The following ENOSF1 variants were observed in gnomAD, a reference collection of about 807,000 sequenced individuals.
ENOSF1 encodes enolase superfamily member 1.
Under a neutral mutation model 68.2 loss-of-function variants are expected in ENOSF1, and 73 were observed. The observed-to-expected ratio is 1.07, with a 90% CI of 0.89 to 1.30. The LOEUF (loss-of-function observed/expected upper bound fraction) is 1.30. Among genes scored for constraint, ENOSF1 ranks in the 50% most tolerant of loss-of-function variants. ENOSF1 has a pLI of 0.00. For synonymous variants in ENOSF1, 223 were observed against 210.4 expected, an observed-to-expected ratio of 1.06 and a Z score of -0.52; for missense variants, 589 against 554.5, an observed-to-expected ratio of 1.06 and a Z score of -0.62.
Position 671,268 on chromosome 18 carries a change from A to C in ENOSF1, c.*3037T>G. 1.3e-6 allele frequency: 1 copy of C among 797,452 alleles called. No homozygotes were observed. The highest frequency in any genetic ancestry group is 2.2e-6 in the Non-Finnish European group (1 of 460,694). The allele number at this position is 797,452 out of a possible 1,614,324, so 49.4% of individuals were successfully genotyped here. On this transcript the variant is annotated 3_prime_UTR_variant, in exon 16 of 16. Coordinates refer to ENST00000647584, the MANE Select transcript of ENOSF1 (RefSeq NM_017512.7). ...ACAAAAAAATGGAAAAGCTACACTAAATTATTTTTTTAAAAAAAGCCTTGC... is the reference window on the plus strand; with the variant it reads ...ACAAAAAAATGGAAAAGCTACACTACATTATTTTTTTAAAAAAAGCCTTGC...
At chr18:664,572 G>A in the ENOSF1 span, among the ~76,000 whole-genome samples, 1 of 134,082 alleles carries the variant, frequency 7.5e-6, no homozygotes, top group Admixed American at 7.3e-5. Context: ...GGAGTGGTGA[G>A]AGAGGGCATC....
chr18:692,851 T>C (rs1456332001), intron 5 of ENOSF1: 4 of 1,083,478 alleles, frequency 3.7e-6, no homozygotes, highest in African/African-American at 3.3e-5. Flanking sequence ...TCAGAGACGA[T>C]GTGACAGCCT....
At chr18:690,749 C>A (rs752597657) in intron 7 of ENOSF1, 118 bp from the exon 8 acceptor site, 1 of 1,504,138 alleles carries the variant, frequency 6.6e-7, no homozygotes, top group Non-Finnish European at 8.9e-7. Context: ...TCCGGCCCTG[C>A]ACACACACAC....
At chr18:674,554 C>G in intron 15 of ENOSF1, 148 bp from the exon 16 acceptor site, 1 of 530,838 alleles carries the variant, frequency 1.9e-6, no homozygotes, top group Non-Finnish European at 3.3e-6. Flanking sequence ...AGTCACTGTC[C>G]GTTGCCCAGG....
intron 1 of ENOSF1, chr18:712,277 G>C: frequency 6.5e-7 from 1 of 1,530,182 alleles, no homozygotes; most frequent in Non-Finnish European, 8.7e-7. Flanking sequence ...AGAAGCAATG[G>C]GTTCGAAGTC....
chr18:669,366 A>ATTTT (rs68090938), downstream of ENOSF1: 11,495 of 191,668 alleles, frequency 0.06, 623 homozygotes, highest in African/African-American at 0.088. Context: ...GGCCCAGAGG[A>ATTTT]TTTTTTTTTT....
At chr18:663,210 A>G in the ENOSF1 span, among the ~76,000 whole-genome samples, 2 of 95,296 alleles carry the variant, frequency 2.1e-5, no homozygotes, top group Non-Finnish European at 3.9e-5. Flanking sequence ...TTGCCATTCT[A>G]ACTGGTGTGA....
At chr18:696,634 G>A (rs2145198121) in intron 3 of ENOSF1, among the ~76,000 whole-genome samples, 1 of 152,254 alleles carries the variant, frequency 6.6e-6, no homozygotes, top group South Asian at 2.1e-4. Context: ...CCTTAGAGAA[G>A]AGATAGCTCT....
chr18:664,913 G>T, the ENOSF1 span, among the ~76,000 whole-genome samples: 1 of 142,356 alleles, frequency 7.0e-6, no homozygotes. Context: ...TGCTGGATTC[G>T]GTTTGCCAGT....
At chr18:703,505 A>AC (rs2078598067) in intron 2 of ENOSF1, among the ~76,000 whole-genome samples, 1 of 152,226 alleles carries the variant, frequency 6.6e-6, no homozygotes. Context: ...AGGGACAATT[A>AC]GAGTTGCAGA....
rs10610259 is a variant in ENOSF1 at position 673,710 on chromosome 18, G to GT, written c.*594dup. The GT allele has an allele frequency of 0.013, 1,762 of 138,746 alleles. 18 individuals are homozygous for GT. The highest frequency in any genetic ancestry group is 0.026 in the African/African-American group (975 of 38,144). The allele number at this position is 138,746 out of a possible 1,614,324, so 8.6% of individuals were successfully genotyped here. ...AAATATAATGACCATTTAGGATAGA[G>GT]TTTTTTTTTTTTTTTTTTAAACTTT... On this transcript the variant is annotated 3_prime_UTR_variant, in exon 16 of 16. Coordinates refer to ENST00000647584, the MANE Select transcript of ENOSF1 (RefSeq NM_017512.7).
intron 10 of ENOSF1, among the ~76,000 whole-genome samples, chr18:685,018 C>T (rs962869538): frequency 1.8e-5 from 1 of 56,602 alleles, no homozygotes; most frequent in Non-Finnish European, 3.3e-5. Context: ...CACCACCACA[C>T]CTGGTTAATT....
chr18:699,789 G>T (rs2078125598), intron 2 of ENOSF1, among the ~76,000 whole-genome samples: 1 of 152,162 alleles, frequency 6.6e-6, no homozygotes, highest in African/African-American at 2.4e-5. Context: ...GTTTGAAAGT[G>T]GTGCCCCAGG....
At position 674,418 on chromosome 18, in the gene ENOSF1, C is replaced by CA. The variant is rs1568004379; in HGVS notation, c.1231-13dup. 5 of 1,564,738 alleles carry CA rather than the reference C, an allele frequency of 3.2e-6. No homozygotes were observed. The highest frequency in any genetic ancestry group is 1.8e-5 in the Admixed American group (1 of 54,944). On this transcript the variant is annotated splice_polypyrimidine_tract_variant and intron_variant, in intron 15 of 15. Coordinates refer to ENST00000647584, the MANE Select transcript of ENOSF1 (RefSeq NM_017512.7). ...GAGTAGCCGGGATCCTATCAAAGAC[C>CA]AAAAAAATGAGTCCTGTTAACAACC...
At chr18:682,541 A>C (rs563454462) in intron 11 of ENOSF1, among the ~76,000 whole-genome samples, 114 of 152,196 alleles carry the variant, frequency 7.5e-4, no homozygotes, top group African/African-American at 2.7e-3. Flanking sequence ...GACTGTGCCA[A>C]ACCAGTTAGC....
intron 9 of ENOSF1, chr18:687,183 T>C (rs1377386522): frequency 6.6e-6 from 1 of 152,186 alleles, no homozygotes; most frequent in Non-Finnish European, 1.5e-5. Context: ...GGTTGAGTAA[T>C]TGATCACACA....
At chr18:676,048 C>T (rs1200885615) in intron 14 of ENOSF1, among the ~76,000 whole-genome samples, 8 of 152,124 alleles carry the variant, frequency 5.3e-5, no homozygotes, top group Non-Finnish European at 1.5e-5. Context: ...TTCCATACTC[C>T]CCACCCAAAA....
intron 5 of ENOSF1, 59 bp from the exon 6 acceptor site, chr18:691,335 G>A: frequency 7.0e-7 from 1 of 1,432,102 alleles, no homozygotes; most frequent in Non-Finnish European, 9.6e-7. Flanking sequence ...GTTATATTTT[G>A]TTTTTTAAAA....
At position 673,106 on chromosome 18, in the gene ENOSF1, C is replaced by T; in HGVS notation, c.*1199G>A. 8.3e-7 allele frequency: 1 copy of T among 1,201,278 alleles called. No individual in the cohort carries two copies. Among genetic ancestry groups the T allele is most frequent in the Non-Finnish European group, 1.1e-6 (1 of 883,372 alleles). The allele number at this position is 1,201,278 out of a possible 1,614,324, so 74.4% of individuals were successfully genotyped here. A position where few individuals can be genotyped will look rare whatever the true frequency, so the allele number is the denominator to read the frequency against. On this transcript the variant is annotated 3_prime_UTR_variant, in exon 16 of 16. Transcript: ENST00000647584. ...AAGAAAAAGGAACTAGGTCAAAAATCTGTCCGTGACCTATCAGTTATTAAT... is the reference window on the plus strand; with the variant it reads ...AAGAAAAAGGAACTAGGTCAAAAATTTGTCCGTGACCTATCAGTTATTAAT...
Sources: allele counts gnomAD v4.1 joint callset (sites outside exome capture counted in the v4.1 genomes callset), GRCh38; gene constraint gnomAD v4.1.1; transcripts MANE v1.5; gene names NCBI Gene and HGNC (gene_info 2026-07-23, HGNC 2026-07-21).